The following IGF2R variants were observed in gnomAD, a reference collection of about 807,000 sequenced individuals.
The protein encoded by IGF2R is insulin like growth factor 2 receptor, also known as cation-independent mannose-6-phosphate receptor.
In IGF2R, 91 loss-of-function variants were observed where a neutral mutation model predicts 270.6. The ratio of observed to expected loss-of-function variants is 0.34; its 90% CI spans 0.28 to 0.40. The LOEUF (loss-of-function observed/expected upper bound fraction) is 0.40, where lower values mean the gene tolerates loss of function less well. IGF2R is among the 10% of genes least tolerant of loss of function. IGF2R has a pLI of 1.00. For synonymous variants in IGF2R, 1,316 were observed against 1,258.9 expected, an observed-to-expected ratio of 1.05 and a Z score of -0.96; for missense variants, 2,805 against 3,188.3, an observed-to-expected ratio of 0.88 and a Z score of 2.90.
chr6:160,009,084 A>C lies in IGF2R; in HGVS notation c.364A>C (p.Thr122Pro). The change falls in exon 3 of 48, where the codon ACA becomes CCA. Residue 122 changes from threonine to proline, a missense_variant. By Grantham distance (38) the Thr-to-Pro change is conservative. Around this residue, in one of 2 missense-constraint regions of IGF2R, gnomAD observed 954 missense variants for 981.1 expected, o/e 0.97. Transcript: ENST00000356956. ...AACAGTGAGCTGTGACCAGCAAGGC[A>C]CAAATCACAGAGTCCAGAGCAGCAT... ...NTTVSCDQQG[T>P]NHRVQSSIAF... 1 of 1,614,084 alleles carries C rather than the reference A, an allele frequency of 6.2e-7. No homozygotes were observed. Among genetic ancestry groups the C allele is most frequent in the Non-Finnish European group, 8.5e-7 (1 of 1,179,946 alleles).
intron 47 of IGF2R, among the ~76,000 whole-genome samples, 162 bp from the exon 48 acceptor site, chr6:160,104,512 G>A (rs80098069): frequency 3.9e-5 from 6 of 152,034 alleles, no homozygotes; most frequent in East Asian, 1.9e-4. Context: ...GCCAGCCCTC[G>A]TCTTCCTTTC....
intron 14 of IGF2R, 26 bp downstream of exon 14, chr6:160,045,908 T>C: frequency 1.3e-6 from 2 of 1,503,488 alleles, no homozygotes; most frequent in South Asian, 1.4e-5. Context: ...GGACCTCTGC[T>C]TTAATGTGAC....
chr6:160,025,350 G>A (rs1777536644), intron 5 of IGF2R, among the ~76,000 whole-genome samples: 1 of 152,206 alleles, frequency 6.6e-6, no homozygotes, highest in Admixed American at 6.5e-5. Flanking sequence ...TGTAGGCCAG[G>A]ACTGTCTTTC....
rs2115262921 is a variant in IGF2R, at chr6:160,061,925, A to G, written c.3579A>G (p.Ile1193Met). The change falls in exon 25 of 48, where the codon ATA (isoleucine) becomes ATG (methionine). Residue 1193 changes from isoleucine (I) to methionine (M), a missense_variant. Around this residue, in one of 2 missense-constraint regions of IGF2R, gnomAD observed 1,851 missense variants for 2,207.2 expected, o/e 0.84. Coordinates refer to ENST00000356956, the MANE Select transcript of IGF2R (RefSeq NM_000876.4). Reference protein sequence around the residue: ...STRITFECAQISGSPAFQLQD... With the variant: ...STRITFECAQMSGSPAFQLQD... ...GGATCACGTTTGAGTGTGCTCAGATATCGGTGTGTGTTCAGACCAGCAATG... is the reference window on the plus strand; with the variant it reads ...GGATCACGTTTGAGTGTGCTCAGATGTCGGTGTGTGTTCAGACCAGCAATG... 1 of 1,614,036 alleles carries G rather than the reference A, an allele frequency of 6.2e-7. No individual in the cohort carries two copies. The highest frequency in any genetic ancestry group is 2.2e-5 in the East Asian group (1 of 44,872).
intron 31 of IGF2R, among the ~76,000 whole-genome samples, chr6:160,071,574 A>G (rs1425747992): frequency 1.3e-5 from 2 of 152,064 alleles, no homozygotes; most frequent in Non-Finnish European, 2.9e-5. Flanking sequence ...TCAATGATTT[A>G]CACATTTGTG....
intron 2 of IGF2R, chr6:160,003,586 A>C (rs887622122): frequency 6.6e-6 from 1 of 152,230 alleles, no homozygotes; most frequent in Non-Finnish European, 1.5e-5. Flanking sequence ...TGGTTAAATC[A>C]TCTAAAATTA....
chr6:160,032,663 G>A lies in IGF2R; in HGVS notation c.995G>A (p.Gly332Asp), dbSNP rs1255755364. Residue 332 changes from glycine to aspartate, a missense_variant, in exon 8 of 48, where the codon GGC (glycine) becomes GAC (aspartate). Physicochemically the swap from Gly to Asp is moderately conservative, Grantham distance 94 (BLOSUM62 -1). This residue lies in a region of IGF2R where 954 missense variants were observed against 981.1 expected (regional missense o/e 0.97). Coordinates refer to ENST00000356956, the MANE Select transcript of IGF2R (RefSeq NM_000876.4). ...YLESKTCSLS[G>D]EQQDVSIDLT... is the part of the protein sequence containing the mutation. ...GAAAGTAAAACTTGTTCTCTGAGCG[G>A]CGAGCAGCAGGATGTCTCCATAGAC... The A allele has an allele frequency of 1.9e-6, 3 of 1,614,066 alleles. No individual in the cohort carries two copies. The African/African-American group carries it at 4.0e-5, about 22-fold the overall frequency.
At position 160,047,855 on chromosome 6, in the gene IGF2R, C is replaced by T. The variant is rs1378149010; in HGVS notation, c.2293C>T (p.Leu765=). The stretch of plus-strand genomic sequence containing the variant: ...CAGCTATGCCTGCCCGGAGGAGCCC[C>T]TGGAATGCGTAGTGACCGACCCCTC... ...YTSYACPEEP[L]ECVVTDPSTL... Residue 765 remains leucine, a synonymous_variant, in exon 17 of 48, where the codon CTG becomes TTG. Coordinates refer to ENST00000356956, the MANE Select transcript of IGF2R (RefSeq NM_000876.4). 6.2e-7 allele frequency: 1 copy of T among 1,614,102 alleles called. No individual in the cohort carries two copies. The highest frequency in any genetic ancestry group is 1.3e-5 in the African/African-American group (1 of 74,944).
In IGF2R at chr6:159,996,428, T is replaced by C. The variant is rs1784054672; in HGVS notation, c.289+5105T>C. Among the ~76,000 whole-genome samples, 6 of 152,292 alleles carry C rather than the reference T, an allele frequency of 3.9e-5. No homozygotes were observed. In the South Asian group the frequency reaches 1.2e-3, roughly 32 times the overall value. On this transcript the variant is annotated intron_variant, in intron 2 of 47. Coordinates refer to ENST00000356956, the MANE Select transcript of IGF2R (RefSeq NM_000876.4). The stretch of plus-strand genomic sequence containing the variant: ...CTGTGGAATGCACAGTGGCCTGAGC[T>C]ACCTGCTCAGCCCCTGAGTGGGGGA...
chr6:160,028,891 G>C (rs1226505803), intron 6 of IGF2R, among the ~76,000 whole-genome samples: 2 of 151,242 alleles, frequency 1.3e-5, no homozygotes, highest in Non-Finnish European at 2.9e-5. Flanking sequence ...TAGTCAAATG[G>C]TGTTTCTTCC....
intron 1 of IGF2R, 110 bp from the exon 2 acceptor site, chr6:159,991,074 A>G (rs1783970685): frequency 9.6e-7 from 1 of 1,046,640 alleles, no homozygotes; most frequent in African/African-American, 1.6e-5. Context: ...AGGAAAGTGT[A>G]TTTTCTAGTT....
chr6:159,984,679 G>C (rs1783855112), intron 1 of IGF2R, among the ~76,000 whole-genome samples: 2 of 152,174 alleles, frequency 1.3e-5, no homozygotes, highest in Non-Finnish European at 2.9e-5. Flanking sequence ...TGTGTGTGCA[G>C]ATACACTCGA....
At chr6:160,022,144 G>C (rs920440762) in intron 4 of IGF2R, among the ~76,000 whole-genome samples, 1 of 152,044 alleles carries the variant, frequency 6.6e-6, no homozygotes, top group Admixed American at 6.5e-5. Flanking sequence ...AAATAACTTA[G>C]TCAGACACCA....
Position 160,040,456 on chromosome 6 carries a change from C to T in IGF2R, c.1316-104C>T, listed in dbSNP as rs928711559. Reference sequence around the variant, plus strand: ...AAAAACCTGGACCTGAATTTTTTAACGGAGCAGTTGGCATTGGTCCTGTTC... The same window carrying T: ...AAAAACCTGGACCTGAATTTTTTAATGGAGCAGTTGGCATTGGTCCTGTTC... On this transcript the variant is annotated intron_variant, in intron 10 of 47. Transcript: ENST00000356956. 27 of 910,060 alleles carry T rather than the reference C, an allele frequency of 3.0e-5. No individual in the cohort carries two copies. In the Admixed American group the frequency reaches 4.0e-4, roughly 13 times the overall value. 56.4% of individuals were successfully genotyped at this position (910,060 alleles called of 1,614,324 possible).
At chr6:160,066,184 T>A (rs1161089280) in intron 29 of IGF2R, among the ~76,000 whole-genome samples, 1 of 151,826 alleles carries the variant, frequency 6.6e-6, no homozygotes, top group South Asian at 2.1e-4. Flanking sequence ...CTGGCGAATT[T>A]TTTTGTATTT....
In IGF2R at chr6:160,040,043, G is replaced by A. The variant is rs186773339; in HGVS notation, c.1316-517G>A. Among the ~76,000 whole-genome samples, 251 of 152,306 alleles carry A rather than the reference G, an allele frequency of 1.6e-3. 1 individual carries two copies. The highest frequency in any genetic ancestry group is 5.7e-3 in the African/African-American group (236 of 41,558). ...AGGACCTTGGCGTGCTTCACTGGGA[G>A]CGACTGACTATAGATGGCTTCCACT... is the stretch of plus-strand genomic sequence containing the variant. On this transcript the variant is annotated intron_variant, in intron 10 of 47. Coordinates refer to ENST00000356956, the MANE Select transcript of IGF2R (RefSeq NM_000876.4).
chr6:160,082,811 G>A (rs761366693), intron 39 of IGF2R, among the ~76,000 whole-genome samples: 68 of 152,322 alleles, frequency 4.5e-4, no homozygotes, highest in African/African-American at 1.3e-3. Context: ...GCCAGATGGC[G>A]GATGGAGTCT....
chr6:160,080,379 T>C, intron 39 of IGF2R, 104 bp downstream of exon 39: 1 of 1,112,740 alleles, frequency 9.0e-7, no homozygotes, highest in Non-Finnish European at 1.3e-6. Context: ...GTGGCAGGAA[T>C]TCTCTTGCAT....
At chr6:160,034,232 C>G (rs1346286625) in intron 9 of IGF2R, among the ~76,000 whole-genome samples, 187 bp from the exon 10 acceptor site, 1 of 152,198 alleles carries the variant, frequency 6.6e-6, no homozygotes, top group East Asian at 1.9e-4. Flanking sequence ...GAGAGGATGT[C>G]AAGTCCATAC....
Sources: allele counts gnomAD v4.1 joint callset (sites outside exome capture counted in the v4.1 genomes callset), GRCh38; gene constraint gnomAD v4.1.1; regional missense constraint gnomAD v4.1.1; transcripts MANE v1.5; gene names NCBI Gene and HGNC (gene_info 2026-07-23, HGNC 2026-07-21).